ATAD2B: variants seen among roughly 807,000 people sequenced by gnomAD.
ATAD2B encodes the protein ATPase family AAA domain containing 2B.
A neutral mutation model predicts 167.6 loss-of-function variants in ATAD2B; 40 were observed. The observed-to-expected ratio is 0.24, with a 90% CI of 0.19 to 0.31. ATAD2B has a LOEUF of 0.31. Among genes scored for constraint, ATAD2B ranks in the 10% least tolerant of loss-of-function variants. The pLI is 1.00. For synonymous variants in ATAD2B, 579 were observed against 596.5 expected (o/e 0.97, Z 0.43); for missense variants, 1,242 against 1,757.2 (o/e 0.71, Z 5.24).
At chr2:23,821,952 A>G (rs1687513672) in intron 16 of ATAD2B, among the ~76,000 whole-genome samples, 1 of 152,140 alleles carries the variant, frequency 6.6e-6, no homozygotes, top group African/African-American at 2.4e-5. Context: ...AACCGCACCC[A>G]GCCATGAGTG....
At chr2:23,770,733 A>C (rs1434191856) in intron 22 of ATAD2B, among the ~76,000 whole-genome samples, 1 of 152,224 alleles carries the variant, frequency 6.6e-6, no homozygotes, top group Middle Eastern at 3.2e-3. Context: ...TACACTGTCT[A>C]GATTACTGTA....
chr2:23,836,998 A>C (rs1572974317), intron 13 of ATAD2B, among the ~76,000 whole-genome samples: 1 of 151,398 alleles, frequency 6.6e-6, no homozygotes, highest in East Asian at 2.0e-4. Context: ...CTCACCACGG[A>C]CCCACCCCCT....
chr2:23,691,756 C>G, the ATAD2B span: 1 of 1,551,804 alleles, frequency 6.4e-7, no homozygotes, highest in Non-Finnish European at 8.7e-7. Context: ...CCTGGAGTTG[C>G]TGCTGGAGTT....
intron 13 of ATAD2B, among the ~76,000 whole-genome samples, chr2:23,848,046 A>G (rs1345315557): frequency 6.6e-6 from 1 of 151,928 alleles, no homozygotes; most frequent in African/African-American, 2.4e-5. Flanking sequence ...AGAACTTGTC[A>G]CTTGCAGGCC....
chr2:23,745,420 G>GGAAGGAA (rs1485141806), downstream of ATAD2B, among the ~76,000 whole-genome samples: 12 of 125,350 alleles, frequency 9.6e-5, no homozygotes, highest in South Asian at 2.6e-4. Context: ...AAGGAAGGAA[G>GGAAGGAA]GAAAGGGAAG....
chr2:23,822,967 C>A (rs1244083595), intron 16 of ATAD2B, among the ~76,000 whole-genome samples: 1 of 138,280 alleles, frequency 7.2e-6, no homozygotes, highest in Non-Finnish European at 1.5e-5. Flanking sequence ...GATTTAGGGG[C>A]TTTAAAGGTT....
intron 16 of ATAD2B, among the ~76,000 whole-genome samples, chr2:23,823,029 T>C (rs1687703042): frequency 1.3e-5 from 2 of 148,986 alleles, no homozygotes; most frequent in African/African-American, 4.9e-5. Context: ...GTAATAGCCC[T>C]ACATTAAGAT....
chr2:23,764,738 C>T (rs372027178), intron 23 of ATAD2B, among the ~76,000 whole-genome samples: 1 of 152,144 alleles, frequency 6.6e-6, no homozygotes, highest in Non-Finnish European at 1.5e-5. Flanking sequence ...TCCTAGACCC[C>T]GCACCTCTTG....
the ATAD2B span, among the ~76,000 whole-genome samples, chr2:23,702,178 C>A: frequency 6.6e-6 from 1 of 152,028 alleles, no homozygotes; most frequent in African/African-American, 2.4e-5. Flanking sequence ...TATGGGAGCA[C>A]CTTGACTGAT....
intron 22 of ATAD2B, among the ~76,000 whole-genome samples, chr2:23,766,971 T>G (rs1427269948): frequency 1.3e-5 from 2 of 149,500 alleles, no homozygotes; most frequent in Non-Finnish European, 3.0e-5. Flanking sequence ...TGTGAGAAAA[T>G]CCTGCTGTAA....
chr2:23,889,765 C>CAA, intron 2 of ATAD2B, among the ~76,000 whole-genome samples: 1 of 151,728 alleles, frequency 6.6e-6, no homozygotes, highest in Non-Finnish European at 1.5e-5. Context: ...ACCAAAAATA[C>CAA]AAAAATTGCT....
chr2:23,697,917 G>A, the ATAD2B span: 1 of 152,232 alleles, frequency 6.6e-6, no homozygotes, highest in Non-Finnish European at 1.5e-5. Flanking sequence ...CATTTTCTCT[G>A]TAGGAGTAAA....
chr2:23,760,465 T>C (rs1481249641), intron 24 of ATAD2B, among the ~76,000 whole-genome samples: 4 of 151,940 alleles, frequency 2.6e-5, no homozygotes, highest in African/African-American at 4.8e-5. Flanking sequence ...GTTCGAGACC[T>C]ACCTGACCAA....
chr2:23,796,975 C>T (rs1418013986), intron 19 of ATAD2B, among the ~76,000 whole-genome samples: 1 of 152,122 alleles, frequency 6.6e-6, no homozygotes, highest in Non-Finnish European at 1.5e-5. Context: ...CTATGATAAA[C>T]ATTTTGATTA....
At chr2:23,695,143 C>G in the ATAD2B span, among the ~76,000 whole-genome samples, 3 of 152,148 alleles carry the variant, frequency 2.0e-5, no homozygotes, top group East Asian at 1.9e-4. This position sits in a 1 kb window ranked among gnomAD's most constrained non-coding sequence, Gnocchi z 7.6. Flanking sequence ...GCTGGAGAGA[C>G]ACAGGCTCCC....
chr2:23,890,381 A>C (rs1699307124), intron 2 of ATAD2B, among the ~76,000 whole-genome samples: 1 of 152,188 alleles, frequency 6.6e-6, no homozygotes, highest in Non-Finnish European at 1.5e-5. Flanking sequence ...ATCTTGGAGA[A>C]AATTTCATTT....
rs768370362 is a variant in ATAD2B at position 23,786,005 on chromosome 2, T to C, written c.2973+22A>G. On this transcript the variant is annotated intron_variant, in intron 21 of 27. Transcript: ENST00000238789. ...CTTTTAGCCAGTTCAACTTCACTGTTTGCACACTACTGAAACAAGACCTCT... is the reference window on the plus strand; with the variant it reads ...CTTTTAGCCAGTTCAACTTCACTGTCTGCACACTACTGAAACAAGACCTCT... 1.9e-5 allele frequency: 30 copies of C among 1,579,260 alleles called. 2 individuals are homozygous for C. The South Asian group carries it at 3.2e-4, about 17-fold the overall frequency.
At chr2:23,876,268 A>T (rs546219510) in intron 7 of ATAD2B, among the ~76,000 whole-genome samples, 3 of 150,336 alleles carry the variant, frequency 2.0e-5, no homozygotes, top group African/African-American at 7.3e-5. Flanking sequence ...CTGGGATTAC[A>T]GGCATGAGCC....
chr2:23,850,070 G>A (rs1692317974), intron 13 of ATAD2B, among the ~76,000 whole-genome samples: 1 of 150,276 alleles, frequency 6.7e-6, no homozygotes, highest in East Asian at 1.9e-4. Flanking sequence ...CTGAACCCGA[G>A]AGGCGGAGCT....
Sources: allele counts gnomAD v4.1 joint callset (sites outside exome capture counted in the v4.1 genomes callset), GRCh38; gene constraint gnomAD v4.1.1; non-coding constraint Gnocchi (gnomAD v3.1); transcripts MANE v1.5; gene names NCBI Gene and HGNC (gene_info 2026-07-23, HGNC 2026-07-21).